Variants in ANKIB1 observed in about 807,000 individuals in gnomAD.
ANKIB1 encodes ankyrin repeat and IBR domain containing 1.
ANKIB1 carries 43 observed loss-of-function variants against 122.1 expected under a neutral mutation model. The ratio of observed to expected loss-of-function variants is 0.35; its 90% confidence interval spans 0.28 to 0.45. The LOEUF is 0.45. Ranked by LOEUF, ANKIB1 falls within the 20% of genes least tolerant of loss-of-function variation. ANKIB1 has a pLI of 1.00. For missense variants in ANKIB1, 992 were observed against 1,329.5 expected, an observed-to-expected ratio of 0.75 and a Z score of 3.95; for synonymous variants, 390 against 442.0, an observed-to-expected ratio of 0.88 and a Z score of 1.48.
intron 5 of ANKIB1, among the ~76,000 whole-genome samples, chr7:92,335,532 A>G (rs1206897777): frequency 6.6e-6 from 1 of 151,904 alleles, no homozygotes; most frequent in Non-Finnish European, 1.5e-5. Context: ...AATGGTGTCA[A>G]TTTGCTTAAT....
chr7:92,289,007 T>C (rs1447794749), intron 1 of ANKIB1, among the ~76,000 whole-genome samples: 1 of 152,232 alleles, frequency 6.6e-6, no homozygotes, highest in Non-Finnish European at 1.5e-5. Flanking sequence ...GCAGTTCCAC[T>C]CTTGGATATT....
intron 4 of ANKIB1, among the ~76,000 whole-genome samples, chr7:92,321,043 G>A (rs563285951): frequency 2.3e-4 from 35 of 151,898 alleles, no homozygotes; most frequent in South Asian, 1.0e-3. Context: ...ATTTTTTGCC[G>A]TTCTTTCTAA....
chr7:92,256,421 C>T (rs1292310192), intron 1 of ANKIB1, among the ~76,000 whole-genome samples: 1 of 152,214 alleles, frequency 6.6e-6, no homozygotes, highest in Non-Finnish European at 1.5e-5. Context: ...TTATCTAATA[C>T]ATTAAAATCT....
chr7:92,347,210 T>C (rs1453780597), intron 7 of ANKIB1, among the ~76,000 whole-genome samples: 1 of 152,250 alleles, frequency 6.6e-6, no homozygotes, highest in Non-Finnish European at 1.5e-5. Flanking sequence ...ACAGGCTGCA[T>C]GTGGCCCAGG....
chr7:92,326,036 A>G, intron 4 of ANKIB1: 1 of 391,876 alleles, frequency 2.6e-6, no homozygotes, highest in Admixed American at 3.2e-5. Flanking sequence ...TGTCTTGCAG[A>G]AGAAAAGTAG....
intron 8 of ANKIB1, among the ~76,000 whole-genome samples, chr7:92,352,219 T>C (rs1803680647): frequency 1.3e-5 from 2 of 152,220 alleles, no homozygotes; most frequent in African/African-American, 4.8e-5. Flanking sequence ...TTTATCATCA[T>C]TTACATGGTT....
At chr7:92,263,513 A>G (rs1801605678) in intron 1 of ANKIB1, among the ~76,000 whole-genome samples, 1 of 152,244 alleles carries the variant, frequency 6.6e-6, no homozygotes, top group African/African-American at 2.4e-5. Context: ...CCATGTGAGT[A>G]GCCAAAACAG....
chr7:92,398,776 A>G lies in ANKIB1; in HGVS notation c.3097A>G (p.Arg1033Gly). The G allele has an allele frequency of 6.2e-7, 1 of 1,612,748 alleles. No individual in the cohort carries two copies. The highest frequency in any genetic ancestry group is 1.7e-4 in the Middle Eastern group (1 of 6,056). ...MFEDASVSEG[R>G]GTQIEENPLE... ...TGAAGATGCCAGTGTCAGTGAAGGT[A>G]GAGGAACCCAGATAGAAGAAAATCC... The change falls in exon 20 of 20, where the codon AGA becomes GGA. Residue 1033 changes from arginine (R) to glycine (G), a missense_variant. Physicochemically the swap from Arg to Gly is moderately radical, Grantham distance 125. Transcript: ENST00000265742.
At chr7:92,368,088 G>A (rs543835207) in intron 10 of ANKIB1, among the ~76,000 whole-genome samples, 2 of 152,146 alleles carry the variant, frequency 1.3e-5, no homozygotes, top group South Asian at 4.2e-4. Context: ...CCCAGAAGTT[G>A]AAGGCTACAG....
intron 5 of ANKIB1, among the ~76,000 whole-genome samples, chr7:92,338,073 AAGG>A (rs1321592874): frequency 6.6e-6 from 1 of 152,108 alleles, no homozygotes; most frequent in African/African-American, 2.4e-5. Flanking sequence ...TAGGAAATAG[AAGG>A]AGAACGATAA....
chr7:92,269,529 A>AT (rs144686785), intron 1 of ANKIB1, among the ~76,000 whole-genome samples: 3,479 of 152,276 alleles, frequency 0.023, 141 homozygotes, highest in African/African-American at 0.08. Context: ...TAAGTATGTG[A>AT]TTTTTTAAGA....
At chr7:92,362,137 T>G (rs1562792926) in intron 9 of ANKIB1, 48 bp from the exon 10 acceptor site, 1 of 1,520,998 alleles carries the variant, frequency 6.6e-7, no homozygotes, top group East Asian at 2.4e-5. Context: ...ACCTTGATGT[T>G]GATGAAGAAT....
At chr7:92,255,641 C>G (rs779544117) in intron 1 of ANKIB1, among the ~76,000 whole-genome samples, 4 of 152,114 alleles carry the variant, frequency 2.6e-5, no homozygotes, top group Non-Finnish European at 4.4e-5. Context: ...CCCAGAATAA[C>G]AAGTTCTTAT....
chr7:92,258,817 C>T (rs906702762), intron 1 of ANKIB1, among the ~76,000 whole-genome samples: 61 of 152,034 alleles, frequency 4.0e-4, no homozygotes, highest in African/African-American at 1.4e-3. Flanking sequence ...CATCTGCTAT[C>T]TAGATTATGA....
chr7:92,342,831 T>C (rs760080512), intron 5 of ANKIB1, among the ~76,000 whole-genome samples, 193 bp from the exon 6 acceptor site: 1 of 152,244 alleles, frequency 6.6e-6, no homozygotes, highest in Non-Finnish European at 1.5e-5. Flanking sequence ...TGATCAATTA[T>C]GAAAGCTTAA....
intron 16 of ANKIB1, among the ~76,000 whole-genome samples, 177 bp downstream of exon 16, chr7:92,391,521 T>C (rs376001339): frequency 8.8e-4 from 134 of 152,256 alleles, no homozygotes; most frequent in African/African-American, 3.1e-3. Flanking sequence ...ATGCTATTTC[T>C]GTTTTTCTTG....
intron 5 of ANKIB1, among the ~76,000 whole-genome samples, chr7:92,340,239 T>C (rs1284273587): frequency 6.6e-6 from 1 of 152,196 alleles, no homozygotes. Context: ...CCTGTTCAGC[T>C]CTTCCTCAGT....
At chr7:92,344,945 T>C in intron 6 of ANKIB1, 33 bp from the exon 7 acceptor site, 2 of 1,519,374 alleles carry the variant, frequency 1.3e-6, no homozygotes, top group Non-Finnish European at 9.1e-7. Flanking sequence ...GAAGTACATT[T>C]CTGTTTAAAT....
chr7:92,355,857 A>C (rs1231932499), intron 9 of ANKIB1, among the ~76,000 whole-genome samples: 1 of 142,588 alleles, frequency 7.0e-6, no homozygotes. Flanking sequence ...TCATAATAAT[A>C]ATAATAATAA....
Sources: allele counts gnomAD v4.1 joint callset (sites outside exome capture counted in the v4.1 genomes callset), GRCh38; gene constraint gnomAD v4.1.1; transcripts MANE v1.5; gene names NCBI Gene and HGNC (gene_info 2026-07-23, HGNC 2026-07-21).